The following DNAJC1 variants were observed in gnomAD, a reference collection of about 807,000 sequenced individuals.
DNAJC1 encodes the protein dnaJ homolog subfamily C member 1.
Under a neutral mutation model 76.6 loss-of-function variants are expected in DNAJC1, and 58 were observed. The observed-to-expected ratio is 0.76, with a 90% CI of 0.61 to 0.94. The LOEUF (loss-of-function observed/expected upper bound fraction) is 0.94. Among genes scored for constraint, DNAJC1 ranks in the 40% least tolerant of loss-of-function variants. The probability of loss-of-function intolerance (pLI) is 0.00; values close to 1 mark genes in which losing one functional copy is unlikely to be tolerated. For missense variants in DNAJC1, 689 were observed against 677.3 expected (o/e 1.02, Z -0.19); for synonymous variants, 258 against 267.9 (o/e 0.96, Z 0.36).
rs1012817970 is a variant in DNAJC1 at position 21,864,630 on chromosome 10, C to G, written c.978+17652G>C. Among the ~76,000 whole-genome samples, 3 of 151,554 alleles carry G rather than the reference C, an allele frequency of 2.0e-5. No individual in the cohort carries two copies. In the South Asian group the frequency reaches 6.2e-4, roughly 32 times the overall value. On this transcript the variant is annotated intron_variant, in intron 8 of 11. Coordinates refer to ENST00000376980, the MANE Select transcript of DNAJC1 (RefSeq NM_022365.4). ...GAGTGAGACTCTGTCTAAAAACAAA[C>G]AAACAAACAAACAAAAACTTCTAGA... is the stretch of plus-strand genomic sequence containing the variant.
intron 8 of DNAJC1, among the ~76,000 whole-genome samples, chr10:21,839,225 A>G (rs1016064782): frequency 2.6e-5 from 4 of 152,130 alleles, no homozygotes; most frequent in Admixed American, 2.0e-4. Flanking sequence ...TCAAAAGCTA[A>G]CAGAAGGCAA....
intron 9 of DNAJC1, among the ~76,000 whole-genome samples, chr10:21,795,971 T>C (rs1299791773): frequency 7.8e-6 from 1 of 127,710 alleles, no homozygotes; most frequent in African/African-American, 2.6e-5. Flanking sequence ...GGATTTCCGC[T>C]TTTTTTTTTT....
intron 1 of DNAJC1, among the ~76,000 whole-genome samples, chr10:21,998,752 T>C (rs949067102): frequency 4.6e-5 from 7 of 152,216 alleles, no homozygotes; most frequent in Non-Finnish European, 1.0e-4. Flanking sequence ...AGAAGATTCT[T>C]CTGCTGCCTG....
intron 7 of DNAJC1, among the ~76,000 whole-genome samples, chr10:21,902,686 AGTT>A (rs1360624353): frequency 1.3e-5 from 2 of 152,228 alleles, no homozygotes; most frequent in East Asian, 3.8e-4. Context: ...TTGGAAAAAT[AGTT>A]AACTCCGAAA....
At chr10:21,932,906 C>G (rs1294538935) in intron 1 of DNAJC1, among the ~76,000 whole-genome samples, 1 of 152,020 alleles carries the variant, frequency 6.6e-6, no homozygotes, top group East Asian at 1.9e-4. Flanking sequence ...GGCCTACAGG[C>G]AAATGTATTA....
chr10:21,990,245 A>T (rs1838306292), intron 1 of DNAJC1, among the ~76,000 whole-genome samples: 1 of 152,170 alleles, frequency 6.6e-6, no homozygotes, highest in Admixed American at 6.6e-5. Flanking sequence ...GTATATAGTA[A>T]CCACAAATCA....
Position 21,952,632 on chromosome 10 carries a change from G to A in DNAJC1, c.223-23491C>T, listed in dbSNP as rs187303636. 2.0e-3 allele frequency among the ~76,000 whole-genome samples: 301 copies of A among 152,238 alleles called. 2 individuals carry two copies. Among genetic ancestry groups the A allele is most frequent in the Middle Eastern group, 0.01 (3 of 294 alleles). Reference sequence around the variant, plus strand: ...AAATTATCCAGGCATAGTGGCGTGCGCCTGTAATTCCAGTTACTCGGTAGG... The same window carrying A: ...AAATTATCCAGGCATAGTGGCGTGCACCTGTAATTCCAGTTACTCGGTAGG... On this transcript the variant is annotated intron_variant, in intron 1 of 11. Coordinates refer to ENST00000376980, the MANE Select transcript of DNAJC1 (RefSeq NM_022365.4).
At chr10:21,828,873 A>T (rs1835307428) in intron 8 of DNAJC1, among the ~76,000 whole-genome samples, 1 of 152,148 alleles carries the variant, frequency 6.6e-6, no homozygotes, top group Admixed American at 6.5e-5. Context: ...AACTTCAGGA[A>T]TTTTTTCTCT....
intron 6 of DNAJC1, among the ~76,000 whole-genome samples, chr10:21,911,308 A>AG (rs758035684): frequency 7.9e-5 from 12 of 152,186 alleles, no homozygotes; most frequent in Non-Finnish European, 8.8e-5. Context: ...GTAGGAAAAT[A>AG]CCATAAGTAC....
intron 8 of DNAJC1, among the ~76,000 whole-genome samples, chr10:21,876,753 C>T (rs1590027632): frequency 6.6e-6 from 1 of 152,248 alleles, no homozygotes; most frequent in South Asian, 2.1e-4. Flanking sequence ...CAGTTATGGA[C>T]ACTTGGATTA....
At chr10:21,811,531 T>C (rs886196260) in intron 8 of DNAJC1, among the ~76,000 whole-genome samples, 16 of 152,170 alleles carry the variant, frequency 1.1e-4, no homozygotes, top group African/African-American at 3.9e-4. Context: ...AGTAATGACT[T>C]GAAATGGTAA....
chr10:21,762,022 C>T (rs958474580), intron 10 of DNAJC1, among the ~76,000 whole-genome samples: 3 of 152,178 alleles, frequency 2.0e-5, no homozygotes, highest in Non-Finnish European at 2.9e-5. Context: ...ATTCTCCTGC[C>T]TCAGCCTCTC....
intron 7 of DNAJC1, among the ~76,000 whole-genome samples, chr10:21,884,113 G>T (rs1836329581): frequency 6.6e-6 from 1 of 152,024 alleles, no homozygotes; most frequent in Non-Finnish European, 1.5e-5. Context: ...CCCAGATGCT[G>T]TTACAAAAAA....
chr10:21,929,836 T>C (rs949118517), intron 1 of DNAJC1, among the ~76,000 whole-genome samples: 3 of 152,220 alleles, frequency 2.0e-5, no homozygotes, highest in African/African-American at 7.2e-5. Flanking sequence ...TTTAAAAGGT[T>C]ACCGTGGTTC....
chr10:21,993,114 C>CAA (rs1426280743), intron 1 of DNAJC1, among the ~76,000 whole-genome samples: 1 of 74,936 alleles, frequency 1.3e-5, no homozygotes, highest in Non-Finnish European at 2.9e-5. Flanking sequence ...TTTATATTTA[C>CAA]CATATATATA....
chr10:21,805,588 A>G (rs907740768), intron 9 of DNAJC1, among the ~76,000 whole-genome samples: 2 of 152,104 alleles, frequency 1.3e-5, no homozygotes, highest in Admixed American at 1.3e-4. Context: ...AATCAGAACC[A>G]CCTGTCTAAA....
intron 9 of DNAJC1, among the ~76,000 whole-genome samples, chr10:21,801,438 A>T (rs1834811995): frequency 6.6e-6 from 1 of 152,236 alleles, no homozygotes. Context: ...ATGAGATACC[A>T]TCTCACACCA....
At chr10:21,880,961 C>T (rs909169396) in intron 8 of DNAJC1, among the ~76,000 whole-genome samples, 6 of 152,222 alleles carry the variant, frequency 3.9e-5, no homozygotes, top group Middle Eastern at 3.2e-3. Context: ...GTTGGTGTAG[C>T]CACCTTCATC....
intron 9 of DNAJC1, among the ~76,000 whole-genome samples, chr10:21,778,360 T>C (rs564268306): frequency 5.3e-5 from 8 of 152,160 alleles, no homozygotes; most frequent in Admixed American, 2.0e-4. Context: ...AACAAAAGGA[T>C]TGCATTCATG....
Sources: gnomAD v4.1 joint callset for allele counts (sites outside exome capture counted in the v4.1 genomes callset) on GRCh38, gnomAD v4.1.1 for gene constraint, MANE v1.5 for transcripts, NCBI Gene and HGNC (gene_info 2026-07-23, HGNC 2026-07-21) for gene names.